The following PLEKHG4B variants were observed in gnomAD, a reference collection of about 807,000 sequenced individuals.
The protein encoded by PLEKHG4B is pleckstrin homology and RhoGEF domain containing G4B.
PLEKHG4B carries 111 observed loss-of-function variants against 121.3 expected under a neutral mutation model. The observed-to-expected ratio is 0.92, with a 90% CI of 0.78 to 1.07. PLEKHG4B has a LOEUF of 1.07. PLEKHG4B is among the 50% of genes least tolerant of loss of function. PLEKHG4B has a pLI of 0.00. For synonymous variants in PLEKHG4B, 738 were observed against 725.0 expected, an observed-to-expected ratio of 1.02 and a Z score of -0.29; for missense variants, 1,831 against 1,757.8, an observed-to-expected ratio of 1.04 and a Z score of -0.74.
Position 140,309 on chromosome 5 carries a change from T to A in PLEKHG4B, c.1070T>A (p.Met357Lys). The A allele has an allele frequency of 1.3e-6, 2 of 1,501,090 alleles. No individual in the cohort carries two copies. The highest frequency in any genetic ancestry group is 1.8e-6 in the Non-Finnish European group (2 of 1,127,816). The allele number at this position is 1,501,090 out of a possible 1,614,324, so 93.0% of individuals were successfully genotyped here. Reference protein sequence around the residue: ...QPRRWFRESYMEALRNPMPLG... With the variant: ...QPRRWFRESYKEALRNPMPLG... ...AGACGCTGGTTCAGGGAGTCGTACA[T>A]GGAAGCCTTGCGGAACCCCATGCCC... The change falls in exon 3 of 20, where the codon ATG (methionine) becomes AAG (lysine). Residue 357 changes from methionine to lysine, a missense_variant. Coordinates refer to ENST00000637938, the MANE Select transcript of PLEKHG4B (RefSeq NM_052909.5).
chr5:171,814 T>G (rs13183803), intron 16 of PLEKHG4B, among the ~76,000 whole-genome samples: 99,912 of 152,186 alleles, frequency 0.66, 33,448 homozygotes, highest in Non-Finnish European at 0.72. Context: ...CCCAGCCCTC[T>G]GTGAGAAGGC....
chr5:132,803 G>T (rs1688210467), intron 2 of PLEKHG4B, among the ~76,000 whole-genome samples: 1 of 152,176 alleles, frequency 6.6e-6, no homozygotes, highest in South Asian at 2.1e-4. Context: ...TGGCCTTATA[G>T]TATAGTTTGA....
intron 1 of PLEKHG4B, among the ~76,000 whole-genome samples, chr5:96,732 C>T (rs909121194): frequency 5.9e-5 from 9 of 151,986 alleles, no homozygotes; most frequent in Admixed American, 2.0e-4. Context: ...CTCATGCCTC[C>T]AAGACAAAGA....
At chr5:101,791 G>A (rs1212381571) in intron 1 of PLEKHG4B, among the ~76,000 whole-genome samples, 2 of 132,830 alleles carry the variant, frequency 1.5e-5, no homozygotes, top group East Asian at 4.1e-4. Context: ...GGGAGAGACT[G>A]TTGTGAGGTT....
intron 8 of PLEKHG4B, 87 bp downstream of exon 8, chr5:155,078 C>T (rs1173410874): frequency 8.7e-7 from 1 of 1,150,132 alleles, no homozygotes; most frequent in East Asian, 2.3e-5. Context: ...TTGAAAAGGG[C>T]ATCACCGTCC....
At position 184,776 on chromosome 5, in the gene PLEKHG4B, C is replaced by T. The variant is rs1174400226; in HGVS notation, c.*2453C>T. On this transcript the variant is annotated 3_prime_UTR_variant, in exon 20 of 20. Coordinates refer to ENST00000637938, the MANE Select transcript of PLEKHG4B (RefSeq NM_052909.5). ...GTGGCTCATGTCTCTAATCCCAGCA[C>T]TTTGGGAGGCTGAGGCCAGAGGATC... The T allele has an allele frequency of 7.5e-6, 1 of 132,966 alleles. No homozygotes were observed. The highest frequency in any genetic ancestry group is 2.9e-5 in the African/African-American group (1 of 34,062). The allele number at this position is 132,966 out of a possible 1,614,324, so 8.2% of individuals were successfully genotyped here.
chr5:136,117 A>T (rs1208524836), intron 2 of PLEKHG4B, among the ~76,000 whole-genome samples: 3 of 152,170 alleles, frequency 2.0e-5, no homozygotes, highest in Non-Finnish European at 2.9e-5. Context: ...GGATATCCAC[A>T]TGCAAAAGAA....
rs551129596 is a variant in PLEKHG4B, at chr5:140,288, G to A, written c.1049G>A (p.Arg350His). 5.4e-6 allele frequency: 8 copies of A among 1,476,968 alleles called. No individual in the cohort carries two copies. The East Asian group carries it at 9.8e-5, about 18-fold the overall frequency. 91.5% of individuals were successfully genotyped at this position (1,476,968 alleles called of 1,614,324 possible). ...PGDPTCVQPRRWFRESYMEAL... is the reference protein window; with the variant it reads ...PGDPTCVQPRHWFRESYMEAL... ...GACCCCACTTGTGTGCAGCCTAGAC[G>A]CTGGTTCAGGGAGTCGTACATGGAA... Residue 350 changes from arginine to histidine, a missense_variant, in exon 3 of 20, where the codon CGC becomes CAC. Physicochemically the swap from Arg to His is conservative, Grantham distance 29 (BLOSUM62 0). Transcript: ENST00000637938.
In PLEKHG4B at chr5:137,112, A is replaced by C. The variant is rs1735006698; in HGVS notation, c.244-2371A>C. On this transcript the variant is annotated intron_variant, in intron 2 of 19. Transcript: ENST00000637938. The surrounding 1 kb of genome is among the most constrained non-coding windows in gnomAD (Gnocchi z 4.2). ...GGAGTGCAGTTCCAACACGTGCCAC[A>C]TGTGGCATGGATAGACCTTGAGGAT... 6.6e-6 allele frequency among the ~76,000 whole-genome samples: 1 copy of C among 152,250 alleles called. No homozygotes were observed. The highest frequency in any genetic ancestry group is 2.1e-4 in the South Asian group (1 of 4,832).
chr5:126,686 G>A (rs1365952461), intron 2 of PLEKHG4B, among the ~76,000 whole-genome samples: 3 of 152,112 alleles, frequency 2.0e-5, no homozygotes, highest in East Asian at 1.9e-4. Context: ...TTGTTGAAGC[G>A]GCACTGTTTT....
chr5:163,315 G>C lies in PLEKHG4B; in HGVS notation c.3243G>C (p.Lys1081Asn). The C allele has an allele frequency of 6.2e-7, 1 of 1,613,266 alleles. No individual in the cohort carries two copies. Among genetic ancestry groups the C allele is most frequent in the Non-Finnish European group, 8.5e-7 (1 of 1,179,932 alleles). The change falls in exon 13 of 20, where the codon AAG (lysine) becomes AAC (asparagine). Residue 1081 changes from lysine (K) to asparagine (N), a missense_variant. Lys to Asn is a moderately conservative substitution (Grantham distance 94). Transcript: ENST00000637938. The stretch of plus-strand genomic sequence containing the variant: ...AACATCCCCAGAAGAAAATGATAAA[G>C]AAAACGCAAAGTTTCGAGATACCTC... Reference protein sequence around the residue: ...PRKHPQKKMIKKTQSFEIPQP... With the variant: ...PRKHPQKKMINKTQSFEIPQP...
At chr5:171,734 G>T (rs1736560720) in intron 16 of PLEKHG4B, among the ~76,000 whole-genome samples, 1 of 152,194 alleles carries the variant, frequency 6.6e-6, no homozygotes, top group South Asian at 2.1e-4. Context: ...TGCAAAGCAG[G>T]CTGGCTCTGA....
rs866034040 is a variant in PLEKHG4B at position 165,690 on chromosome 5, G to C, written c.3476+2142G>C. The stretch of plus-strand genomic sequence containing the variant: ...CTGACGGGGCGGGGCTCACACTAAT[G>C]CTCTGACGGGGCGGAGCTCACACTA... On this transcript the variant is annotated intron_variant, in intron 13 of 19. Transcript: ENST00000637938. Among the ~76,000 whole-genome samples the C allele has an allele frequency of 2.5e-3, 90 of 36,270 alleles. 1 individual carries two copies. The highest frequency in any genetic ancestry group is 6.9e-3 in the African/African-American group (66 of 9,572). 23.8% of individuals were successfully genotyped at this position (36,270 alleles called of 152,430 possible).
intron 12 of PLEKHG4B, among the ~76,000 whole-genome samples, chr5:162,294 C>T (rs556311600): frequency 3.3e-4 from 40 of 123,068 alleles, no homozygotes; most frequent in Admixed American, 1.1e-3. Context: ...CGCACGCCTG[C>T]GAGCTCCCCC....
At chr5:112,322 C>T (rs1265422636) in intron 1 of PLEKHG4B, among the ~76,000 whole-genome samples, 2 of 152,312 alleles carry the variant, frequency 1.3e-5, no homozygotes, top group Middle Eastern at 3.4e-3. Flanking sequence ...CACTGCAGGC[C>T]AGAGGAGTCC....
At chr5:126,841 T>C (rs574552869) in intron 2 of PLEKHG4B, among the ~76,000 whole-genome samples, 1 of 152,090 alleles carries the variant, frequency 6.6e-6, no homozygotes, top group East Asian at 1.9e-4. Context: ...CAGAGAGGGG[T>C]GCCCAAAAGG....
At chr5:153,409 C>G (rs532926450) in intron 7 of PLEKHG4B, among the ~76,000 whole-genome samples, 1 of 152,296 alleles carries the variant, frequency 6.6e-6, no homozygotes, top group South Asian at 2.1e-4. Context: ...CAGTGTTGTT[C>G]TAGTGTGCAC....
rs1199187304 is a variant in PLEKHG4B at position 159,531 on chromosome 5, C to T, written c.2488-2252C>T. 6.6e-6 allele frequency among the ~76,000 whole-genome samples: 1 copy of T among 152,090 alleles called. No individual in the cohort carries two copies. Among genetic ancestry groups the T allele is most frequent in the Non-Finnish European group, 1.5e-5 (1 of 68,014 alleles). On this transcript the variant is annotated intron_variant, in intron 11 of 19. Coordinates refer to ENST00000637938, the MANE Select transcript of PLEKHG4B (RefSeq NM_052909.5). This position sits in a 1 kb window ranked among gnomAD's most constrained non-coding sequence, Gnocchi z 5.5. ...AACTCTATTATTGAGTTTTTTGTTTCTGCTCTTGCTTTTTAACTCCATGGG... is the reference window on the plus strand; with the variant it reads ...AACTCTATTATTGAGTTTTTTGTTTTTGCTCTTGCTTTTTAACTCCATGGG...
intron 1 of PLEKHG4B, among the ~76,000 whole-genome samples, chr5:97,053 C>CA (rs1269672293): frequency 6.6e-6 from 1 of 152,160 alleles, no homozygotes; most frequent in African/African-American, 2.4e-5. Flanking sequence ...ATTCCAAAGT[C>CA]AAACCCCTTA....
Sources: gnomAD v4.1 joint callset for allele counts (sites outside exome capture counted in the v4.1 genomes callset) on GRCh38, gnomAD v4.1.1 for gene constraint, Gnocchi (gnomAD v3.1) non-coding constraint, MANE v1.5 for transcripts, NCBI Gene and HGNC (gene_info 2026-07-23, HGNC 2026-07-21) for gene names.